The following MAGI2 variants were observed in gnomAD, a reference collection of about 807,000 sequenced individuals.
The protein encoded by MAGI2 is membrane associated guanylate kinase, WW and PDZ domain containing 2.
MAGI2 carries 35 observed loss-of-function variants against 133.3 expected under a neutral mutation model. That is an observed-to-expected ratio of 0.26 (90% CI 0.20 to 0.35). The LOEUF is 0.35. Ranked by LOEUF, MAGI2 falls within the 10% of genes least tolerant of loss-of-function variation. The probability of loss-of-function intolerance (pLI) is 1.00; values close to 1 mark genes in which losing one functional copy is unlikely to be tolerated. For missense variants in MAGI2, 1,636 were observed against 1,863.4 expected (o/e 0.88, Z 2.25); for synonymous variants, 729 against 710.6 (o/e 1.03, Z -0.41).
chr7:79,189,164 T>C (rs1827430517), intron 1 of MAGI2, among the ~76,000 whole-genome samples: 1 of 151,724 alleles, frequency 6.6e-6, no homozygotes, highest in African/African-American at 2.4e-5. Flanking sequence ...TATTTCTTTT[T>C]AGTAATTTGA....
At chr7:78,596,965 C>T (rs1343431781) in intron 3 of MAGI2, among the ~76,000 whole-genome samples, 2 of 152,142 alleles carry the variant, frequency 1.3e-5, no homozygotes, top group African/African-American at 4.8e-5. Context: ...GCAGGCAGAT[C>T]TGAGTGAATA....
At chr7:78,079,492 A>G (rs1815725351) in intron 20 of MAGI2, among the ~76,000 whole-genome samples, 1 of 152,214 alleles carries the variant, frequency 6.6e-6, no homozygotes, top group African/African-American at 2.4e-5. Flanking sequence ...CCAACTGTCA[A>G]CTTAGTGCAG....
intron 2 of MAGI2, among the ~76,000 whole-genome samples, chr7:78,630,304 C>T (rs567378596): frequency 6.6e-6 from 1 of 151,666 alleles, no homozygotes; most frequent in African/African-American, 2.4e-5. Flanking sequence ...TTCTTCCATT[C>T]TTCTAACGGA....
intron 21 of MAGI2, among the ~76,000 whole-genome samples, chr7:78,056,400 A>G (rs1812568549): frequency 6.6e-6 from 1 of 152,228 alleles, no homozygotes; most frequent in Admixed American, 6.5e-5. Flanking sequence ...TTACAATACT[A>G]AAGACATGGA....
chr7:78,343,005 A>G (rs997182532), intron 9 of MAGI2, among the ~76,000 whole-genome samples: 9 of 152,226 alleles, frequency 5.9e-5, no homozygotes, highest in Non-Finnish European at 1.2e-4. Context: ...CTTAAAAGAC[A>G]TAAGGTCATA....
chr7:78,706,715 G>T (rs1372911222), intron 2 of MAGI2, among the ~76,000 whole-genome samples: 1 of 152,108 alleles, frequency 6.6e-6, no homozygotes, highest in Non-Finnish European at 1.5e-5. Flanking sequence ...ATCTGTCTAA[G>T]AGGGAAATGT....
At chr7:78,460,901 C>G (rs1339547405) in intron 6 of MAGI2, among the ~76,000 whole-genome samples, 1 of 152,026 alleles carries the variant, frequency 6.6e-6, no homozygotes, top group African/African-American at 2.4e-5. Context: ...ACCTCTCAGA[C>G]AGGGTGCCAT....
rs116393527 is a variant in MAGI2, at chr7:79,166,244, G to A, written c.302-159038C>T. Among the ~76,000 whole-genome samples the A allele has an allele frequency of 9.2e-3, 1,392 of 152,102 alleles. 20 individuals carry two copies. Among genetic ancestry groups the A allele is most frequent in the African/African-American group, 0.032 (1,335 of 41,510 alleles). ...AGATTAGCTTACATCATATAGCAAA[G>A]GGAGAGTCACTCCATGATCAGATTA... On this transcript the variant is annotated intron_variant, in intron 1 of 21. Coordinates refer to ENST00000354212, the MANE Select transcript of MAGI2 (RefSeq NM_012301.4).
chr7:79,215,197 A>G (rs1181635472), intron 1 of MAGI2, among the ~76,000 whole-genome samples: 2 of 151,954 alleles, frequency 1.3e-5, no homozygotes, highest in African/African-American at 2.4e-5. Context: ...AAGTTTAAAG[A>G]CTGACAAACA....
At position 78,632,775 on chromosome 7, in the gene MAGI2, A is replaced by C. The variant is rs1809156628; in HGVS notation, c.419-5536T>G. 2.6e-5 allele frequency among the ~76,000 whole-genome samples: 4 copies of C among 151,746 alleles called. No homozygotes were observed. The South Asian group carries it at 8.3e-4, about 32-fold the overall frequency. On this transcript the variant is annotated intron_variant, in intron 2 of 21. Coordinates refer to ENST00000354212, the MANE Select transcript of MAGI2 (RefSeq NM_012301.4). ...AAATGACGAGGTTGTGGGAAAAGGG[A>C]ACACTTACACACTGTTATTAGAGTG...
intron 3 of MAGI2, among the ~76,000 whole-genome samples, chr7:78,563,027 T>C (rs1283614489): frequency 1.3e-5 from 2 of 151,808 alleles, no homozygotes; most frequent in African/African-American, 2.4e-5. Flanking sequence ...GGTCATTTGA[T>C]TGTAATTTCT....
chr7:78,752,020 C>A (rs1241924220), intron 2 of MAGI2, among the ~76,000 whole-genome samples: 1 of 152,170 alleles, frequency 6.6e-6, no homozygotes, highest in Non-Finnish European at 1.5e-5. Context: ...GAACATATAC[C>A]ACAGGGAAAC....
intron 6 of MAGI2, among the ~76,000 whole-genome samples, chr7:78,464,156 G>A (rs764094054): frequency 1.3e-4 from 19 of 151,842 alleles, no homozygotes; most frequent in Non-Finnish European, 2.2e-4. Context: ...CATTATCCTC[G>A]GAGCATTTCT....
At chr7:78,378,880 T>C (rs569865712) in intron 6 of MAGI2, among the ~76,000 whole-genome samples, 6 of 151,908 alleles carry the variant, frequency 3.9e-5, no homozygotes, top group East Asian at 1.9e-4. Flanking sequence ...ATAGAAGTAA[T>C]ATAATTTAAA....
At chr7:79,095,720 A>T (rs1360200842) in intron 1 of MAGI2, among the ~76,000 whole-genome samples, 2 of 152,204 alleles carry the variant, frequency 1.3e-5, no homozygotes, top group Non-Finnish European at 2.9e-5. Context: ...GGTTTGTGGC[A>T]CTCCAAAACA....
chr7:78,885,284 A>G (rs1796173220), intron 2 of MAGI2, among the ~76,000 whole-genome samples: 1 of 152,178 alleles, frequency 6.6e-6, no homozygotes, highest in South Asian at 2.1e-4. Context: ...ACAAACCTGC[A>G]CATGTAGCCC....
intron 1 of MAGI2, among the ~76,000 whole-genome samples, chr7:79,224,107 T>C (rs1422101399): frequency 1.3e-5 from 2 of 152,078 alleles, no homozygotes; most frequent in Non-Finnish European, 2.9e-5. Flanking sequence ...AACAGGAAAC[T>C]ACTGGGAATA....
intron 2 of MAGI2, among the ~76,000 whole-genome samples, chr7:78,741,925 A>T (rs991837029): frequency 6.6e-6 from 1 of 152,016 alleles, no homozygotes; most frequent in African/African-American, 2.4e-5. Context: ...GCCTTAAATT[A>T]TAAGTTATCA....
chr7:78,692,765 C>G (rs2190663), intron 2 of MAGI2, among the ~76,000 whole-genome samples: 2 of 151,948 alleles, frequency 1.3e-5, no homozygotes, highest in African/African-American at 4.8e-5. Context: ...AAATAGCACA[C>G]GTATGAAGTG....
Sources: allele counts gnomAD v4.1 joint callset (sites outside exome capture counted in the v4.1 genomes callset), GRCh38; gene constraint gnomAD v4.1.1; transcripts MANE v1.5; gene names NCBI Gene and HGNC (gene_info 2026-07-23, HGNC 2026-07-21).